Variants in GALNT2 observed in about 807,000 individuals in gnomAD.
The protein encoded by GALNT2 is UDP-GalNAc:polypeptide N-acetylgalactosaminyltransferase 2.
GALNT2 carries 31 observed loss-of-function variants against 81.4 expected under a neutral mutation model. The ratio of observed to expected loss-of-function variants is 0.38; its 90% CI spans 0.29 to 0.51. The LOEUF (loss-of-function observed/expected upper bound fraction) is 0.51, where lower values mean the gene tolerates loss of function less well. Among genes scored for constraint, GALNT2 ranks in the 20% least tolerant of loss-of-function variants. The pLI is 0.87. For synonymous variants in GALNT2, 303 were observed against 287.4 expected, an observed-to-expected ratio of 1.05 and a Z score of -0.55; for missense variants, 629 against 765.7, an observed-to-expected ratio of 0.82 and a Z score of 2.11.
chr1:230,248,610 T>C (rs962474944), intron 8 of GALNT2, among the ~76,000 whole-genome samples: 1 of 152,342 alleles, frequency 6.6e-6, no homozygotes, highest in East Asian at 1.9e-4. Flanking sequence ...TATCTGAAAT[T>C]GAAGCTTATT....
chr1:230,183,357 C>T (rs1233048359), intron 2 of GALNT2, among the ~76,000 whole-genome samples: 2 of 151,954 alleles, frequency 1.3e-5, no homozygotes, highest in East Asian at 3.9e-4. Context: ...TGTACTTTTA[C>T]CTTTCACACT....
intron 10 of GALNT2, 49 bp from the exon 11 acceptor site, chr1:230,255,169 G>C: frequency 6.2e-7 from 1 of 1,613,614 alleles, no homozygotes; most frequent in East Asian, 2.2e-5. Flanking sequence ...CTGTTGCAGA[G>C]GTGCGTCCCA....
intron 3 of GALNT2, among the ~76,000 whole-genome samples, chr1:230,226,257 G>A (rs1664706011): frequency 6.6e-6 from 1 of 152,162 alleles, no homozygotes; most frequent in Non-Finnish European, 1.5e-5. Context: ...AAATGGGAAT[G>A]GCGTAAGCAT....
At chr1:230,064,071 A>T (rs1398728798), upstream of GALNT2, among the ~76,000 whole-genome samples, 1 of 152,170 alleles carries the variant, frequency 6.6e-6, no homozygotes, top group Non-Finnish European at 1.5e-5. Context: ...TTGGGAATAC[A>T]TATATTTTGT....
chr1:230,143,280 G>T (rs1661806619), intron 1 of GALNT2, among the ~76,000 whole-genome samples: 1 of 152,182 alleles, frequency 6.6e-6, no homozygotes. Context: ...AAAAATCAGG[G>T]GAATCCGCAG....
At chr1:230,192,594 A>G (rs1375306114) in intron 2 of GALNT2, among the ~76,000 whole-genome samples, 4 of 152,252 alleles carry the variant, frequency 2.6e-5, no homozygotes, top group African/African-American at 4.8e-5. Flanking sequence ...TTTCATTTCA[A>G]ATTTGAAGAA....
At chr1:230,184,067 T>C (rs572040292) in intron 2 of GALNT2, among the ~76,000 whole-genome samples, 2 of 152,052 alleles carry the variant, frequency 1.3e-5, no homozygotes, top group South Asian at 2.1e-4. Flanking sequence ...TTCTGATCGA[T>C]GTTATTTTCT....
At chr1:230,230,872 G>A (rs1036842698) in intron 3 of GALNT2, among the ~76,000 whole-genome samples, 1 of 152,078 alleles carries the variant, frequency 6.6e-6, no homozygotes, top group Non-Finnish European at 1.5e-5. Context: ...CCTCTGTTTG[G>A]TCTTCGTGGC....
chr1:230,100,063 G>A (rs959708248), intron 1 of GALNT2, among the ~76,000 whole-genome samples: 1 of 152,198 alleles, frequency 6.6e-6, no homozygotes, highest in Non-Finnish European at 1.5e-5. Context: ...ACAGTCTGTG[G>A]TGCAGACTAG....
chr1:230,135,374 G>C lies in GALNT2; in HGVS notation c.127-42844G>C, dbSNP rs61825401. On this transcript the variant is annotated intron_variant, in intron 1 of 15. Coordinates refer to ENST00000366672, the MANE Select transcript of GALNT2 (RefSeq NM_004481.5). ...TTTGTAATTCTACTTTGCGATGCAT[G>C]TTTCAGAAGAGAAACCATTTTCCAG... Among the ~76,000 whole-genome samples, 5 of 152,090 alleles carry C rather than the reference G, an allele frequency of 3.3e-5. No homozygotes were observed. The East Asian group carries it at 7.7e-4, about 23-fold the overall frequency.
At chr1:230,247,643 G>T (rs1297496341) in intron 8 of GALNT2, among the ~76,000 whole-genome samples, 1 of 152,156 alleles carries the variant, frequency 6.6e-6, no homozygotes, top group Non-Finnish European at 1.5e-5. Flanking sequence ...GATCTACCAG[G>T]CTCTATTTCT....
At chr1:230,217,929 T>G (rs1664438857) in intron 3 of GALNT2, among the ~76,000 whole-genome samples, 1 of 152,234 alleles carries the variant, frequency 6.6e-6, no homozygotes, top group South Asian at 2.1e-4. Context: ...AAGAGACTCA[T>G]TCAAACTGTA....
rs911918222 is a variant in GALNT2, at chr1:230,257,349, C to A, written c.1136+2005C>A. Among the ~76,000 whole-genome samples, 2 of 152,126 alleles carry A rather than the reference C, an allele frequency of 1.3e-5. No individual in the cohort carries two copies. Among genetic ancestry groups the A allele is most frequent in the African/African-American group, 4.8e-5 (2 of 41,420 alleles). ...GTCCTGTGAGCACTGTTGCAGTAGC[C>A]CAGGCCAGAGATGTGATACAGTCAT... On this transcript the variant is annotated intron_variant, in intron 11 of 15. Coordinates refer to ENST00000366672, the MANE Select transcript of GALNT2 (RefSeq NM_004481.5). This position sits in a 1 kb window ranked among gnomAD's most constrained non-coding sequence, Gnocchi z 4.6.
At chr1:230,255,127 CA>C (rs1665667586) in intron 10 of GALNT2, 90 bp from the exon 11 acceptor site, 1 of 1,586,968 alleles carries the variant, frequency 6.3e-7, no homozygotes, top group Admixed American at 1.7e-5. Context: ...ATGGGATGGT[CA>C]GGGGGCCTCT....
chr1:230,259,784 G>A (rs1156825790), intron 11 of GALNT2: 1 of 152,208 alleles, frequency 6.6e-6, no homozygotes, highest in Non-Finnish European at 1.5e-5. Context: ...ATTACAAAAG[G>A]CCAATCTTAC....
chr1:230,133,188 C>A (rs1352287232), intron 1 of GALNT2, among the ~76,000 whole-genome samples: 1 of 152,112 alleles, frequency 6.6e-6, no homozygotes, highest in African/African-American at 2.4e-5. Flanking sequence ...TTATGATGAA[C>A]CTTTTTATGT....
intron 1 of GALNT2, among the ~76,000 whole-genome samples, chr1:230,163,454 G>A (rs1410986699): frequency 4.6e-5 from 7 of 152,240 alleles, no homozygotes; most frequent in African/African-American, 1.7e-4. Context: ...TGAGGGAGGT[G>A]TGGTGTAACT....
At chr1:230,112,296 C>G (rs1660725425) in intron 1 of GALNT2, among the ~76,000 whole-genome samples, 1 of 151,504 alleles carries the variant, frequency 6.6e-6, no homozygotes, top group South Asian at 2.1e-4. Flanking sequence ...TCTGAGTGTT[C>G]ACTCCAGGCG....
chr1:230,274,647 C>T, intron 15 of GALNT2, 83 bp downstream of exon 15: 1 of 1,517,776 alleles, frequency 6.6e-7, no homozygotes, highest in Non-Finnish European at 8.9e-7. Flanking sequence ...CTCTGTGCTG[C>T]CTCTCAAAGC....
Sources: allele counts gnomAD v4.1 joint callset (sites outside exome capture counted in the v4.1 genomes callset), GRCh38; gene constraint gnomAD v4.1.1; non-coding constraint Gnocchi (gnomAD v3.1); transcripts MANE v1.5; gene names NCBI Gene and HGNC (gene_info 2026-07-23, HGNC 2026-07-21).